TNIK: variants seen among roughly 807,000 people sequenced by gnomAD.
The protein encoded by TNIK is TRAF2 and NCK-interacting protein kinase.
TNIK carries 49 observed loss-of-function variants against 191.3 expected under a neutral mutation model. The observed-to-expected ratio is 0.26, with a 90% CI of 0.20 to 0.32. The LOEUF is 0.32. Among genes scored for constraint, TNIK ranks in the 10% least tolerant of loss-of-function variants. The pLI is 1.00. For synonymous variants in TNIK, 594 were observed against 600.9 expected (o/e 0.99, Z 0.17); for missense variants, 1,155 against 1,702.3 (o/e 0.68, Z 5.66).
chr3:171,117,029 G>A (rs970931467), intron 18 of TNIK, among the ~76,000 whole-genome samples: 2 of 152,210 alleles, frequency 1.3e-5, no homozygotes, highest in African/African-American at 4.8e-5. Context: ...TAGCCATCTA[G>A]GAAGGGAACT....
chr3:171,083,766 G>A (rs1342040814), intron 26 of TNIK, among the ~76,000 whole-genome samples: 1 of 152,104 alleles, frequency 6.6e-6, no homozygotes, highest in African/African-American at 2.4e-5. Context: ...TGCAGGATGT[G>A]GTATGGATCA....
intron 2 of TNIK, among the ~76,000 whole-genome samples, chr3:171,271,814 A>T (rs1243844996): frequency 2.0e-5 from 3 of 152,262 alleles, no homozygotes; most frequent in Non-Finnish European, 4.4e-5. Context: ...GACATGTAAG[A>T]TGCTAGGACT....
At chr3:171,413,147 A>C (rs1722622170) in intron 1 of TNIK, among the ~76,000 whole-genome samples, 1 of 152,256 alleles carries the variant, frequency 6.6e-6, no homozygotes, top group Non-Finnish European at 1.5e-5. Flanking sequence ...ACACAAATAC[A>C]TGATAATATC....
At chr3:171,204,848 G>A (rs1016593561) in intron 4 of TNIK, among the ~76,000 whole-genome samples, 12 of 152,144 alleles carry the variant, frequency 7.9e-5, no homozygotes, top group Admixed American at 4.6e-4. Context: ...TAGGGTTTAA[G>A]GGCTTGATTC....
intron 2 of TNIK, among the ~76,000 whole-genome samples, chr3:171,338,729 C>T: frequency 6.6e-6 from 1 of 151,204 alleles, no homozygotes; most frequent in Non-Finnish European, 1.5e-5. Context: ...TCTCAAACTC[C>T]TGACCCCAGG....
intron 2 of TNIK, among the ~76,000 whole-genome samples, chr3:171,361,361 G>A (rs1714940707): frequency 6.6e-6 from 1 of 152,198 alleles, no homozygotes; most frequent in Admixed American, 6.5e-5. Flanking sequence ...AACTCTACAG[G>A]TTCAACTACC....
rs1282568106 is a variant in TNIK, at chr3:171,202,787, G to C, written c.307-8152C>G. On this transcript the variant is annotated intron_variant, in intron 4 of 32. Coordinates refer to ENST00000436636, the MANE Select transcript of TNIK (RefSeq NM_015028.4). The stretch of plus-strand genomic sequence containing the variant: ...CTTACCTTGTGTCTCTATAGGTCTT[G>C]CAATGTGGCAGCTCTGAAACTGGGA... 2.6e-5 allele frequency among the ~76,000 whole-genome samples: 4 copies of C among 152,298 alleles called. No individual in the cohort carries two copies. The East Asian group carries it at 7.7e-4, about 29-fold the overall frequency.
At chr3:171,293,339 A>G (rs1751903465) in intron 2 of TNIK, among the ~76,000 whole-genome samples, 1 of 152,206 alleles carries the variant, frequency 6.6e-6, no homozygotes, top group African/African-American at 2.4e-5. Flanking sequence ...ATTTCAGCTC[A>G]TCCTCAAGCC....
At chr3:171,452,734 ACACAC>A (rs1728324392) in intron 1 of TNIK, among the ~76,000 whole-genome samples, 1 of 54,060 alleles carries the variant, frequency 1.8e-5, no homozygotes, top group African/African-American at 1.7e-4. Flanking sequence ...CTCCAAACAC[ACACAC>A]ACACACACAC....
chr3:171,249,290 G>C (rs968481692), intron 2 of TNIK, among the ~76,000 whole-genome samples: 3 of 152,180 alleles, frequency 2.0e-5, no homozygotes, highest in Admixed American at 1.3e-4. Context: ...GATTTAGGAA[G>C]ATAAAGCAAT....
At position 171,139,566 on chromosome 3, in the gene TNIK, T is replaced by C. The variant is rs753344422; in HGVS notation, c.1333-10A>G. The C allele has an allele frequency of 2.2e-5, 35 of 1,612,958 alleles. No homozygotes were observed. Among genetic ancestry groups the C allele is most frequent in the Middle Eastern group, 1.6e-4 (1 of 6,078 alleles). ...GTCGCCTGATGTATTCCTGGAGAGG[T>C]AGGCAGCAGAGAATTCAGAGGAACA... is the stretch of plus-strand genomic sequence containing the variant. On this transcript the variant is annotated splice_polypyrimidine_tract_variant and intron_variant, in intron 13 of 32. Transcript: ENST00000436636.
intron 11 of TNIK, 64 bp from the exon 12 acceptor site, chr3:171,157,728 T>A (rs749464365): frequency 4.7e-6 from 7 of 1,502,394 alleles, no homozygotes; most frequent in Admixed American, 4.0e-5. Context: ...CCAAGAGGCC[T>A]TGGAGGAGGA....
chr3:171,355,261 T>A (rs1283638200), intron 2 of TNIK, among the ~76,000 whole-genome samples: 1 of 152,134 alleles, frequency 6.6e-6, no homozygotes, highest in East Asian at 1.9e-4. Context: ...CCTGAAGCAC[T>A]CTCAGAGGGG....
intron 1 of TNIK, among the ~76,000 whole-genome samples, chr3:171,384,860 T>C (rs16856248): frequency 1.3e-5 from 2 of 152,242 alleles, no homozygotes; most frequent in Non-Finnish European, 2.9e-5. Context: ...AGGCCACTAA[T>C]ATTTTTTAGC....
intron 1 of TNIK, among the ~76,000 whole-genome samples, chr3:171,438,637 A>G (rs1577940352): frequency 2.0e-5 from 3 of 152,266 alleles, no homozygotes; most frequent in African/African-American, 7.2e-5. Flanking sequence ...GCAGGTGATA[A>G]AAAGTGTGAA....
At chr3:171,401,256 G>C (rs886537381) in intron 1 of TNIK, among the ~76,000 whole-genome samples, 4 of 151,992 alleles carry the variant, frequency 2.6e-5, no homozygotes, top group Non-Finnish European at 5.9e-5. Flanking sequence ...TCTTAACCAG[G>C]GAGCCCATCA....
At chr3:171,113,562 C>T (rs1227028839) in intron 18 of TNIK, among the ~76,000 whole-genome samples, 1 of 150,770 alleles carries the variant, frequency 6.6e-6, no homozygotes, top group Non-Finnish European at 1.5e-5. Flanking sequence ...GCGGAGATCG[C>T]GCTACTGCAC....
chr3:171,194,731 T>C, intron 4 of TNIK, 96 bp from the exon 5 acceptor site: 1 of 984,912 alleles, frequency 1.0e-6, no homozygotes, highest in Non-Finnish European at 1.6e-6. Flanking sequence ...TGCTTTGGAA[T>C]GCCATTCCTG....
intron 2 of TNIK, among the ~76,000 whole-genome samples, chr3:171,246,465 A>T (rs1745604364): frequency 6.6e-6 from 1 of 152,178 alleles, no homozygotes; most frequent in Admixed American, 6.5e-5. Flanking sequence ...CATTTTACAC[A>T]CATTAACTCA....
Sources: gnomAD v4.1 joint callset for allele counts (sites outside exome capture counted in the v4.1 genomes callset) on GRCh38, gnomAD v4.1.1 for gene constraint, MANE v1.5 for transcripts, NCBI Gene and HGNC (gene_info 2026-07-23, HGNC 2026-07-21) for gene names.